The following HSPG2 variants were observed in gnomAD, a reference collection of about 807,000 sequenced individuals.
The protein encoded by HSPG2 is basement membrane-specific heparan sulfate proteoglycan core protein.
In HSPG2, 278 loss-of-function variants were observed where a neutral mutation model predicts 526.6. That is an observed-to-expected ratio of 0.53 (90% CI 0.48 to 0.58). The LOEUF (loss-of-function observed/expected upper bound fraction) is 0.58. Ranked by LOEUF, HSPG2 falls within the 20% of genes least tolerant of loss-of-function variation. The pLI, the probability that HSPG2 is intolerant of heterozygous loss-of-function variation, is 0.00. For missense variants in HSPG2, 5,354 were observed against 6,099.5 expected (o/e 0.88, Z 4.07); for synonymous variants, 2,465 against 2,555.4 (o/e 0.96, Z 1.07).
In HSPG2 at chr1:21,824,852, C is replaced by G. The variant is rs2097965242; in HGVS notation, c.12590-73G>C. The G allele has an allele frequency of 4.5e-6, 6 of 1,348,128 alleles. No homozygotes were observed. The South Asian group carries it at 7.5e-5, about 17-fold the overall frequency. The allele number at this position is 1,348,128 out of a possible 1,614,324, so 83.5% of individuals were successfully genotyped here. On this transcript the variant is annotated intron_variant, in intron 91 of 96. Transcript: ENST00000374695. This position sits in a 1 kb window ranked among gnomAD's most constrained non-coding sequence, Gnocchi z 5.9. ...AAATCCCCCGTCAGTTCCCCTGACC[C>G]CCACCTCCACGCCAACATGCAGGAC...
intron 1 of HSPG2, among the ~76,000 whole-genome samples, chr1:21,907,354 C>A (rs769598241): frequency 7.2e-5 from 11 of 152,162 alleles, no homozygotes; most frequent in Non-Finnish European, 1.6e-4. Flanking sequence ...ACCAGCTCTG[C>A]TCGCTGGTCC....
intron 13 of HSPG2, among the ~76,000 whole-genome samples, chr1:21,883,600 C>T (rs1641660954): frequency 6.6e-6 from 1 of 152,226 alleles, no homozygotes; most frequent in South Asian, 2.1e-4. Flanking sequence ...ACTTGGATTA[C>T]AGGCATAAGC....
intron 1 of HSPG2, among the ~76,000 whole-genome samples, chr1:21,914,266 G>A (rs2152791018): frequency 6.6e-6 from 1 of 152,310 alleles, no homozygotes; most frequent in South Asian, 2.1e-4. Context: ...GGGACGGGGA[G>A]TGGCCTGTTG....
rs924164482 is a variant in HSPG2, at chr1:21,855,368, C to G, written c.5933G>C (p.Arg1978Thr). 1 of 1,612,388 alleles carries G rather than the reference C, an allele frequency of 6.2e-7. No individual in the cohort carries two copies. The highest frequency in any genetic ancestry group is 1.1e-5 in the South Asian group (1 of 90,650). The change falls in exon 47 of 97, where the codon AGG becomes ACG. Residue 1978 changes from arginine (R) to threonine (T), a missense_variant. Coordinates refer to ENST00000374695, the MANE Select transcript of HSPG2 (RefSeq NM_005529.7). ...HAGRTVRLYCRAAGVPSATIT... is the reference protein window; with the variant it reads ...HAGRTVRLYCTAAGVPSATIT... ...GGTGGCGCTAGGCACGCCTGCAGCC[C>G]TGCAGTACAGCCTGACGGTGCGGCC...
At position 21,893,877 on chromosome 1, in the gene HSPG2, A is replaced by C. The variant is rs534462708; in HGVS notation, c.244+2045T>G. On this transcript the variant is annotated intron_variant, in intron 3 of 96. Transcript: ENST00000374695. The surrounding 1 kb of genome is among the most constrained non-coding windows in gnomAD (Gnocchi z 4.3). The stretch of plus-strand genomic sequence containing the variant: ...AAGAAAAAGGCAGAGGGAAAAAGAA[A>C]AAAAAAAAAGAACAGGCAGAGGGGA... Among the ~76,000 whole-genome samples the C allele has an allele frequency of 6.6e-6, 1 of 151,792 alleles. No individual in the cohort carries two copies. Among genetic ancestry groups the C allele is most frequent in the African/African-American group, 2.4e-5 (1 of 41,392 alleles).
At chr1:21,835,293 CT>C (rs2098021907) in intron 76 of HSPG2, 6 of 601,096 alleles carry the variant, frequency 1.0e-5, no homozygotes, top group Middle Eastern at 4.5e-4. Context: ...CCGGTTCACA[CT>C]GATTCAATCT....
At chr1:21,923,343 C>T (rs9426677) in intron 1 of HSPG2, among the ~76,000 whole-genome samples, 36,690 of 151,790 alleles carry the variant, frequency 0.24, 4,810 homozygotes, top group East Asian at 0.42. Flanking sequence ...GAAGCGGAGG[C>T]TGCAGTGAGC....
intron 95 of HSPG2, 175 bp from the exon 96 acceptor site, chr1:21,823,894 T>C: frequency 2.7e-6 from 2 of 728,606 alleles, no homozygotes; most frequent in Middle Eastern, 3.7e-4. Flanking sequence ...CACAGCTTCC[T>C]CATTTCTGCA....
Position 21,884,543 on chromosome 1 carries a change from G to A in HSPG2, c.1639C>T (p.Pro547Ser), listed in dbSNP as rs760624769. Residue 547 changes from proline (P) to serine (S), a missense_variant, in exon 13 of 97, where the codon CCC (proline) becomes TCC (serine). By Grantham distance (74) the Pro-to-Ser change is moderately conservative. Coordinates refer to ENST00000374695, the MANE Select transcript of HSPG2 (RefSeq NM_005529.7). ...RDQIRLRFDQ[P>S]DDFKGVNVTM... ...GCCAACGCACCCTTGAAGTCATCGG[G>A]TTGGTCAAAGCGCAGCCTGATCTGG... 3.7e-6 allele frequency: 6 copies of A among 1,611,264 alleles called. No homozygotes were observed. In the Admixed American group the frequency reaches 8.3e-5, roughly 22 times the overall value.
At position 21,848,910 on chromosome 1, in the gene HSPG2, C is replaced by T. The variant is rs780279572; in HGVS notation, c.7568G>A (p.Arg2523His). The change falls in exon 58 of 97, where the codon CGC becomes CAC. Residue 2523 changes from arginine to histidine, a missense_variant. Physicochemically the swap from Arg to His is conservative, Grantham distance 29. Transcript: ENST00000374695. The surrounding 1 kb of genome is among the most constrained non-coding windows in gnomAD (Gnocchi z 4.9). ...EASVLVTIQQ[R>H]LSGSHSQGVA... ...ACACTCACAGTGGGAGCCACTAAGGCGCTGCTGGATGGTGACAAGGACTGA... is the reference window on the plus strand; with the variant it reads ...ACACTCACAGTGGGAGCCACTAAGGTGCTGCTGGATGGTGACAAGGACTGA... 18 of 1,613,818 alleles carry T rather than the reference C, an allele frequency of 1.1e-5. No individual in the cohort carries two copies. Among genetic ancestry groups the T allele is most frequent in the Middle Eastern group, 1.6e-4 (1 of 6,084 alleles).
chr1:21,933,107 C>A (rs185524293), intron 1 of HSPG2, among the ~76,000 whole-genome samples: 3 of 151,404 alleles, frequency 2.0e-5, no homozygotes, highest in Admixed American at 6.6e-5. Context: ...GTAGTCCCAG[C>A]TACTCAGGGG....
Position 21,839,667 on chromosome 1 carries a change from G to T in HSPG2, c.9710-117C>A. The T allele has an allele frequency of 7.1e-7, 1 of 1,401,078 alleles. No individual in the cohort carries two copies. Among genetic ancestry groups the T allele is most frequent in the Non-Finnish European group, 9.9e-7 (1 of 1,013,120 alleles). The allele number at this position is 1,401,078 out of a possible 1,614,324, so 86.8% of individuals were successfully genotyped here. A position where few individuals can be genotyped will look rare whatever the true frequency, so the allele number is the denominator to read the frequency against. On this transcript the variant is annotated intron_variant, in intron 72 of 96. Coordinates refer to ENST00000374695, the MANE Select transcript of HSPG2 (RefSeq NM_005529.7). The surrounding 1 kb of genome is among the most constrained non-coding windows in gnomAD (Gnocchi z 4.5). ...CTGTCCCTCTATGGGGACCCCAGTT[G>T]GGTTCCTCGGCCATCACTGGGGGAT...
In HSPG2 at chr1:21,833,458, G is replaced by A. The variant is rs2098013390; in HGVS notation, c.10978+9C>T. The A allele has an allele frequency of 6.2e-7, 1 of 1,614,186 alleles. No homozygotes were observed. Among genetic ancestry groups the A allele is most frequent in the African/African-American group, 1.3e-5 (1 of 75,060 alleles). ...AGGGCACTGCCAATTCTTAGGGGTG[G>A]TGTCTTACCTGGCACCTGCAGGTGG... is the stretch of plus-strand genomic sequence containing the variant. On this transcript the variant is annotated intron_variant, in intron 79 of 96. Transcript: ENST00000374695.
chr1:21,854,633 C>A lies in HSPG2; in HGVS notation c.6266G>T (p.Gly2089Val). Residue 2089 changes from glycine (G) to valine (V), a missense_variant, in exon 49 of 97, where the codon GGT becomes GTT. Gly to Val is a moderately radical substitution (Grantham distance 109). Transcript: ENST00000374695. ...TACCTGGGTGTGGGGAGGCAGGCTACCCCCTCGCCTGTACCAGGTGACCTG... is the reference window on the plus strand; with the variant it reads ...TACCTGGGTGTGGGGAGGCAGGCTAACCCCTCGCCTGTACCAGGTGACCTG... ...HAQVTWYRRG[G>V]SLPPHTQVHG... 6.3e-7 allele frequency: 1 copy of A among 1,577,078 alleles called. No homozygotes were observed.
At position 21,855,445 on chromosome 1, in the gene HSPG2, C is replaced by T. The variant is rs997439061; in HGVS notation, c.5856G>A (p.Gly1952=). The T allele has an allele frequency of 8.1e-6, 13 of 1,613,066 alleles. No homozygotes were observed. Among genetic ancestry groups the T allele is most frequent in the Non-Finnish European group, 1.1e-5 (13 of 1,179,884 alleles). ...TCACTTGGACTCTGGGCCCACCGCC[C>T]CCTGCAGACAGAGTCCTGTGAGAAC... ...QVARAVLHVH[G]GGGPRVQVSP... The change falls in exon 47 of 97, where the codon GGG becomes GGA. Residue 1952 remains glycine (G), a splice_region_variant and synonymous_variant. Coordinates refer to ENST00000374695, the MANE Select transcript of HSPG2 (RefSeq NM_005529.7).
At position 21,835,580 on chromosome 1, in the gene HSPG2, A is replaced by G. The variant is rs778049994; in HGVS notation, c.10413T>C (p.Pro3471=). The part of the protein sequence containing the change: ...QGTYICQAHG[P]WGKAQASAQL... ...GGGCACTGGCCTGGGCCTTCCCCCA[A>G]GGTCCATGGGCCTGGCATATATACG... is the stretch of plus-strand genomic sequence containing the variant. The change falls in exon 76 of 97, where the codon CCT becomes CCC. Residue 3471 remains proline, a synonymous_variant. Coordinates refer to ENST00000374695, the MANE Select transcript of HSPG2 (RefSeq NM_005529.7). 6 of 1,614,088 alleles carry G rather than the reference A, an allele frequency of 3.7e-6. No individual in the cohort carries two copies. In the Admixed American group the frequency reaches 1.0e-4, roughly 27 times the overall value.
At chr1:21,920,853 G>T (rs1644018148) in intron 1 of HSPG2, among the ~76,000 whole-genome samples, 1 of 152,122 alleles carries the variant, frequency 6.6e-6, no homozygotes, top group South Asian at 2.1e-4. Flanking sequence ...TAGCGTGGCT[G>T]AGATCTCTGC....
rs1160467756 is a variant in HSPG2, at chr1:21,828,371, C to T, written c.12293G>A (p.Gly4098Asp). ...GGAGCTATCATAGCATTGCCCGATG[C>T]CCTGGCTGCCTAGGAAACTGTAGGT... Reference protein sequence around the residue: ...DLTYSFLGSQGIGQCYDSSPC... With the variant: ...DLTYSFLGSQDIGQCYDSSPC... The change falls in exon 89 of 97, where the codon GGC (glycine) becomes GAC (aspartate). Residue 4098 changes from glycine to aspartate, a missense_variant. By Grantham distance (94) the Gly-to-Asp change is moderately conservative (BLOSUM62 -1). Transcript: ENST00000374695. The surrounding 1 kb of genome is among the most constrained non-coding windows in gnomAD (Gnocchi z 6.0). The T allele has an allele frequency of 6.2e-7, 1 of 1,613,814 alleles. No individual in the cohort carries two copies. Among genetic ancestry groups the T allele is most frequent in the Non-Finnish European group, 8.5e-7 (1 of 1,180,018 alleles).
chr1:21,915,708 C>T (rs754829470), intron 1 of HSPG2, among the ~76,000 whole-genome samples: 8 of 152,266 alleles, frequency 5.3e-5, no homozygotes, highest in Non-Finnish European at 8.8e-5. Context: ...TGCACTCATC[C>T]AATAAGATAG....
Sources: gnomAD v4.1 joint callset for allele counts (sites outside exome capture counted in the v4.1 genomes callset) on GRCh38, gnomAD v4.1.1 for gene constraint, Gnocchi (gnomAD v3.1) non-coding constraint, MANE v1.5 for transcripts, NCBI Gene and HGNC (gene_info 2026-07-23, HGNC 2026-07-21) for gene names.